SUGCT: variants seen among roughly 807,000 people sequenced by gnomAD.
The protein encoded by SUGCT is succinyl-CoA:glutarate CoA-transferase.
In SUGCT, 41 loss-of-function variants were observed where a neutral mutation model predicts 55.0. The observed-to-expected ratio is 0.74, with a 90% CI of 0.58 to 0.97. The LOEUF (loss-of-function observed/expected upper bound fraction) is 0.97, where lower values mean the gene tolerates loss of function less well. Among genes scored for constraint, SUGCT ranks in the 50% least tolerant of loss-of-function variants. SUGCT has a pLI of 0.00. For missense variants in SUGCT, 568 were observed against 547.8 expected, an observed-to-expected ratio of 1.04 and a Z score of -0.37; for synonymous variants, 187 against 200.4, an observed-to-expected ratio of 0.93 and a Z score of 0.56.
At chr7:40,269,691 T>C (rs181024948) in intron 7 of SUGCT, among the ~76,000 whole-genome samples, 47 of 152,328 alleles carry the variant, frequency 3.1e-4, no homozygotes, top group Non-Finnish European at 1.8e-4. Context: ...GTGGTTTTCA[T>C]TTGCATTTCT....
chr7:40,563,636 C>T (rs1795966746), intron 12 of SUGCT, among the ~76,000 whole-genome samples: 1 of 151,884 alleles, frequency 6.6e-6, no homozygotes, highest in South Asian at 2.1e-4. Context: ...ATCACTTGAG[C>T]CTGGGAGATC....
intron 12 of SUGCT, chr7:40,499,118 G>GTTCTCCA: frequency 2.2e-6 from 1 of 456,668 alleles, no homozygotes; most frequent in South Asian, 1.5e-5. Flanking sequence ...CCACTGGCGC[G>GTTCTCCA]TGTGGCCCAC....
intron 12 of SUGCT, among the ~76,000 whole-genome samples, chr7:40,583,314 G>A (rs1337926239): frequency 6.6e-6 from 1 of 151,984 alleles, no homozygotes; most frequent in Admixed American, 6.6e-5. Flanking sequence ...GAGTATAGAG[G>A]GAGATAGATT....
chr7:40,846,374 GAAAA>G lies in SUGCT; in HGVS notation c.1154-13931_1154-13928del, dbSNP rs3052686. On this transcript the variant is annotated intron_variant, in intron 13 of 13. Coordinates refer to ENST00000335693, the MANE Select transcript of SUGCT (RefSeq NM_001193313.2). The stretch of plus-strand genomic sequence containing the variant: ...TAATGACACGCAAACACTAGTGTTG[GAAAA>G]AAAAAAAAAACAGTCAGGAGAGAGC... Among the ~76,000 whole-genome samples, 574 of 141,410 alleles carry G rather than the reference GAAAA, an allele frequency of 4.1e-3. 7 individuals carry two copies. Among genetic ancestry groups the G allele is most frequent in the African/African-American group, 0.014 (536 of 38,984 alleles). The allele number at this position is 141,410 out of a possible 152,430, so 92.8% of individuals were successfully genotyped here.
intron 12 of SUGCT, among the ~76,000 whole-genome samples, chr7:40,737,829 C>G (rs1255971848): frequency 6.6e-6 from 1 of 152,008 alleles, no homozygotes; most frequent in Non-Finnish European, 1.5e-5. Context: ...GAGGCTGAGG[C>G]AGGAGAATCG....
chr7:40,970,578 G>T, the SUGCT span, among the ~76,000 whole-genome samples: 131 of 152,276 alleles, frequency 8.6e-4, 1 homozygote, highest in Non-Finnish European at 1.4e-3. Flanking sequence ...ATAAGATGTG[G>T]CTCCTGACCT....
chr7:40,841,426 T>G (rs541569113), intron 13 of SUGCT, among the ~76,000 whole-genome samples: 8 of 152,280 alleles, frequency 5.3e-5, no homozygotes, highest in African/African-American at 1.9e-4. Context: ...ATGTTTATCT[T>G]TGTGCTATCT....
chr7:40,648,550 C>T (rs944495100), intron 12 of SUGCT, among the ~76,000 whole-genome samples: 1 of 152,160 alleles, frequency 6.6e-6, no homozygotes, highest in African/African-American at 2.4e-5. Context: ...TGTGAGCTCA[C>T]TTGGAAATAG....
intron 12 of SUGCT, among the ~76,000 whole-genome samples, chr7:40,503,876 A>G (rs553336685): frequency 1.3e-5 from 2 of 152,328 alleles, no homozygotes; most frequent in South Asian, 4.1e-4. Flanking sequence ...ACAGAGCAAT[A>G]TTAAGTTATT....
chr7:40,666,422 T>TTTTG (rs1286007542), intron 12 of SUGCT, among the ~76,000 whole-genome samples: 1 of 141,026 alleles, frequency 7.1e-6, no homozygotes, highest in Non-Finnish European at 1.5e-5. Context: ...TAGGTTAGTT[T>TTTTG]TTTTTTTTTT....
chr7:40,670,989 A>T (rs1280391616), intron 12 of SUGCT, among the ~76,000 whole-genome samples: 1 of 152,196 alleles, frequency 6.6e-6, no homozygotes, highest in Non-Finnish European at 1.5e-5. Flanking sequence ...TAGAAGCAAA[A>T]ATACTTAAAA....
chr7:40,242,951 T>TTTTC (rs1789552500), intron 7 of SUGCT, among the ~76,000 whole-genome samples: 1 of 81,502 alleles, frequency 1.2e-5, no homozygotes, highest in Non-Finnish European at 2.5e-5. Context: ...TTTTTTTTTT[T>TTTTC]TTTTTTTTTT....
At chr7:40,947,508 T>TG in the SUGCT span, among the ~76,000 whole-genome samples, 2 of 151,128 alleles carry the variant, frequency 1.3e-5, no homozygotes, top group Non-Finnish European at 3.0e-5. Context: ...CTCTTTTTTT[T>TG]TTTGTTTGTT....
At chr7:40,745,594 C>T (rs986594690) in intron 12 of SUGCT, among the ~76,000 whole-genome samples, 4 of 152,128 alleles carry the variant, frequency 2.6e-5, no homozygotes, top group African/African-American at 9.7e-5. Flanking sequence ...GAGGTTGGCG[C>T]ACTGACTACA....
Position 40,746,676 on chromosome 7 carries a change from G to T in SUGCT, c.1090-2758G>T, listed in dbSNP as rs548225219. Among the ~76,000 whole-genome samples the T allele has an allele frequency of 5.1e-4, 78 of 152,274 alleles. 1 individual carries two copies. Among genetic ancestry groups the T allele is most frequent in the African/African-American group, 1.7e-3 (70 of 41,540 alleles). On this transcript the variant is annotated intron_variant, in intron 12 of 13. Coordinates refer to ENST00000335693, the MANE Select transcript of SUGCT (RefSeq NM_001193313.2). ...AAAGTACGCTCTTTAAACTGCTTCC[G>T]TGGAAAATTTCAATCAACTGCTAGC... is the stretch of plus-strand genomic sequence containing the variant.
chr7:40,137,652 C>G (rs1265891827), intron 1 of SUGCT, among the ~76,000 whole-genome samples: 1 of 151,976 alleles, frequency 6.6e-6, no homozygotes, highest in Non-Finnish European at 1.5e-5. Flanking sequence ...GTTTTTCTGT[C>G]GTATAGCAGT....
At chr7:40,279,027 G>GGT (rs1554300700) in intron 8 of SUGCT, among the ~76,000 whole-genome samples, 1 of 150,162 alleles carries the variant, frequency 6.7e-6, no homozygotes, top group African/African-American at 2.4e-5. Flanking sequence ...AGAGATGGGG[G>GGT]GGTCTGACTG....
At chr7:40,491,499 G>C (rs1044622233) in intron 11 of SUGCT, among the ~76,000 whole-genome samples, 1 of 152,092 alleles carries the variant, frequency 6.6e-6, no homozygotes, top group Admixed American at 6.6e-5. Flanking sequence ...TGATATCATG[G>C]GGATGCTAAT....
chr7:40,142,605 CACTT>C (rs1377201827), intron 1 of SUGCT, among the ~76,000 whole-genome samples: 2 of 152,158 alleles, frequency 1.3e-5, no homozygotes, highest in Non-Finnish European at 2.9e-5. Context: ...TATTCTTTTC[CACTT>C]ACTGAACCAC....
Sources: gnomAD v4.1 joint callset for allele counts (sites outside exome capture counted in the v4.1 genomes callset) on GRCh38, gnomAD v4.1.1 for gene constraint, MANE v1.5 for transcripts, NCBI Gene and HGNC (gene_info 2026-07-23, HGNC 2026-07-21) for gene names.